The following C8orf34 variants were observed in gnomAD, a reference collection of about 807,000 sequenced individuals.
C8orf34 encodes the protein chromosome 8 open reading frame 34.
A neutral mutation model predicts 68.3 loss-of-function variants in C8orf34; 65 were observed. The observed-to-expected ratio is 0.95, with a 90% CI of 0.78 to 1.17. The LOEUF is 1.17. Ranked by LOEUF, C8orf34 falls within the 50% of genes most tolerant of loss-of-function variation. The pLI is 0.00. For missense variants in C8orf34, 664 were observed against 655.4 expected (o/e 1.01, Z -0.14); for synonymous variants, 244 against 241.2 (o/e 1.01, Z -0.11).
rs1823012131 is a variant in C8orf34 at position 68,761,114 on chromosome 8, C to T, written c.1405-15285C>T. ...ATGACACAGTCAAAAGCAAGGCTATCTGAATACTTTTCCACCTTCTTCTCC... is the reference window on the plus strand; with the variant it reads ...ATGACACAGTCAAAAGCAAGGCTATTTGAATACTTTTCCACCTTCTTCTCC... On this transcript the variant is annotated intron_variant, in intron 10 of 13. Coordinates refer to ENST00000518698, the MANE Select transcript of C8orf34 (RefSeq NM_052958.4). Among the ~76,000 whole-genome samples the T allele has an allele frequency of 2.0e-5, 3 of 152,202 alleles. No homozygotes were observed. The South Asian group carries it at 6.2e-4, about 32-fold the overall frequency.
chr8:68,411,531 A>G (rs1464229808), intron 1 of C8orf34, among the ~76,000 whole-genome samples: 1 of 152,176 alleles, frequency 6.6e-6, no homozygotes, highest in African/African-American at 2.4e-5. Context: ...TTGTCCATCA[A>G]AGAATTAAAG....
chr8:68,433,594 G>A (rs1810536975), intron 1 of C8orf34, among the ~76,000 whole-genome samples: 1 of 152,200 alleles, frequency 6.6e-6, no homozygotes, highest in African/African-American at 2.4e-5. Context: ...CATGCTGGGT[G>A]TGTGCTGTGG....
intron 10 of C8orf34, among the ~76,000 whole-genome samples, chr8:68,760,315 G>A (rs903152837): frequency 3.3e-5 from 5 of 152,118 alleles, no homozygotes; most frequent in African/African-American, 1.2e-4. Flanking sequence ...TCTTTCAATC[G>A]AAAGCATTCT....
At chr8:68,459,608 CA>C (rs1405271229) in intron 3 of C8orf34, among the ~76,000 whole-genome samples, 1 of 152,134 alleles carries the variant, frequency 6.6e-6, no homozygotes, top group Non-Finnish European at 1.5e-5. Context: ...GGAGATTTCT[CA>C]AAAAACTTAA....
chr8:68,520,644 T>C (rs1462360624), intron 5 of C8orf34, among the ~76,000 whole-genome samples: 1 of 151,128 alleles, frequency 6.6e-6, no homozygotes. Context: ...TTTGTATTTT[T>C]AGTAGAGACG....
chr8:68,553,775 T>G (rs945198858), intron 7 of C8orf34, among the ~76,000 whole-genome samples: 32 of 152,136 alleles, frequency 2.1e-4, no homozygotes, highest in Non-Finnish European at 3.5e-4. Context: ...TTGTAACTTT[T>G]GTCAATATTT....
chr8:68,382,730 T>G (rs1808094334), intron 1 of C8orf34, among the ~76,000 whole-genome samples: 1 of 152,240 alleles, frequency 6.6e-6, no homozygotes, highest in African/African-American at 2.4e-5. Flanking sequence ...TCTTTAAAAG[T>G]TGAACATTCT....
intron 9 of C8orf34, among the ~76,000 whole-genome samples, chr8:68,709,700 C>T (rs1055853358): frequency 2.0e-5 from 3 of 152,160 alleles, no homozygotes; most frequent in Non-Finnish European, 4.4e-5. Flanking sequence ...CGGACTATCT[C>T]ACCCCTCTTT....
At chr8:68,643,662 G>A (rs951842389) in intron 8 of C8orf34, among the ~76,000 whole-genome samples, 1 of 151,982 alleles carries the variant, frequency 6.6e-6, no homozygotes. Flanking sequence ...TTTTATAAGG[G>A]CACTAATTCC....
chr8:68,419,841 G>T (rs1190837305), intron 1 of C8orf34, among the ~76,000 whole-genome samples: 1 of 104,866 alleles, frequency 9.5e-6, no homozygotes, highest in Non-Finnish European at 1.8e-5. Context: ...GGTGGGGGAA[G>T]GGGGGAGGGA....
chr8:68,796,777 A>G (rs1475417117), intron 12 of C8orf34, among the ~76,000 whole-genome samples: 1 of 151,258 alleles, frequency 6.6e-6, no homozygotes, highest in Non-Finnish European at 1.5e-5. Flanking sequence ...TGAGATCTGC[A>G]TGACTTTGAT....
At chr8:68,623,574 C>T (rs1392585567) in intron 7 of C8orf34, among the ~76,000 whole-genome samples, 1 of 152,148 alleles carries the variant, frequency 6.6e-6, no homozygotes, top group Non-Finnish European at 1.5e-5. Context: ...GTCCATTTGG[C>T]TGAACAAAGT....
At chr8:68,684,700 A>G (rs937791030) in intron 8 of C8orf34, among the ~76,000 whole-genome samples, 8 of 152,082 alleles carry the variant, frequency 5.3e-5, no homozygotes, top group African/African-American at 1.7e-4. Context: ...TAAGCATGTA[A>G]ATCGAGCTCA....
chr8:68,792,782 AAG>A (rs1473939696), intron 12 of C8orf34, among the ~76,000 whole-genome samples: 3 of 151,940 alleles, frequency 2.0e-5, no homozygotes, highest in Non-Finnish European at 4.4e-5. Context: ...AATTAGATGA[AAG>A]AAAAATAGAA....
intron 1 of C8orf34, among the ~76,000 whole-genome samples, chr8:68,425,705 G>GAATA (rs1810179793): frequency 6.9e-6 from 1 of 143,896 alleles, no homozygotes; most frequent in Non-Finnish European, 1.5e-5. Context: ...AAAGAGCCTA[G>GAATA]AATAGCCAAA....
chr8:68,726,155 C>A (rs1432106627), intron 10 of C8orf34, among the ~76,000 whole-genome samples: 1 of 152,216 alleles, frequency 6.6e-6, no homozygotes, highest in African/African-American at 2.4e-5. Context: ...GTGATCCGCC[C>A]GCCTCGGCCT....
At chr8:68,525,220 T>C (rs1277720643) in intron 6 of C8orf34, among the ~76,000 whole-genome samples, 3 of 152,138 alleles carry the variant, frequency 2.0e-5, no homozygotes, top group Non-Finnish European at 4.4e-5. Context: ...AACAAGTGAA[T>C]ATACAAATAT....
chr8:68,799,348 G>C (rs940734018), intron 12 of C8orf34, among the ~76,000 whole-genome samples: 5 of 152,130 alleles, frequency 3.3e-5, no homozygotes, highest in Non-Finnish European at 7.4e-5. Context: ...ATATCAGATG[G>C]AGCATATCTT....
At chr8:68,647,479 G>T (rs1415256609) in intron 8 of C8orf34, among the ~76,000 whole-genome samples, 3 of 152,164 alleles carry the variant, frequency 2.0e-5, no homozygotes, top group African/African-American at 7.2e-5. Flanking sequence ...TTATGCCAAA[G>T]AAATATCTGC....
Sources: gnomAD v4.1 joint callset for allele counts (sites outside exome capture counted in the v4.1 genomes callset) on GRCh38, gnomAD v4.1.1 for gene constraint, MANE v1.5 for transcripts, NCBI Gene and HGNC (gene_info 2026-07-23, HGNC 2026-07-21) for gene names.